Variants in PDS5A observed in about 807,000 individuals in gnomAD.
PDS5A encodes PDS5 cohesin associated factor A, also known as sister chromatid cohesion protein PDS5 homolog A.
Under a neutral mutation model 167.1 loss-of-function variants are expected in PDS5A, and 42 were observed. The observed-to-expected ratio is 0.25, with a 90% CI of 0.20 to 0.33. The LOEUF is 0.33. PDS5A is among the 10% of genes least tolerant of loss of function. PDS5A has a pLI of 1.00. For missense variants in PDS5A, 1,033 were observed against 1,605.9 expected (o/e 0.64, Z 6.10); for synonymous variants, 553 against 554.6 (o/e 1.00, Z 0.04).
intron 2 of PDS5A, among the ~76,000 whole-genome samples, chr4:39,975,580 C>T (rs1396142278): frequency 6.6e-6 from 1 of 152,164 alleles, no homozygotes; most frequent in African/African-American, 2.4e-5. Context: ...AAGATTTCAA[C>T]GTCTTTCACC....
chr4:39,840,995 A>G lies in PDS5A; in HGVS notation c.3657+953T>C, dbSNP rs143923090. ...GGTCTCCAACTCCTGACCACAAGTGATCCACCCATCTTTGCCTCCCAAAGT... is the reference window on the plus strand; with the variant it reads ...GGTCTCCAACTCCTGACCACAAGTGGTCCACCCATCTTTGCCTCCCAAAGT... On this transcript the variant is annotated intron_variant, in intron 31 of 32. Coordinates refer to ENST00000303538, the MANE Select transcript of PDS5A (RefSeq NM_001100399.2). Among the ~76,000 whole-genome samples, 662 of 151,264 alleles carry G rather than the reference A, an allele frequency of 4.4e-3. 6 individuals carry two copies. Among genetic ancestry groups the G allele is most frequent in the African/African-American group, 0.015 (624 of 41,248 alleles).
chr4:39,899,851 T>TTA (rs1221014325), intron 14 of PDS5A, among the ~76,000 whole-genome samples: 1 of 102,412 alleles, frequency 9.8e-6, no homozygotes, highest in African/African-American at 4.6e-5. Context: ...TCCTGTGTAT[T>TTA]AAAAAAAAAA....
chr4:39,853,710 AC>A, intron 26 of PDS5A, among the ~76,000 whole-genome samples: 1 of 152,164 alleles, frequency 6.6e-6, no homozygotes, highest in Non-Finnish European at 1.5e-5. Context: ...CTACAACCAC[AC>A]TTTTTCCCCT....
intron 2 of PDS5A, among the ~76,000 whole-genome samples, chr4:39,947,454 GA>G (rs397962049): frequency 2.0e-5 from 3 of 151,376 alleles, no homozygotes; most frequent in South Asian, 2.1e-4. Flanking sequence ...TGAAAGGGGG[GA>G]AAAAAAAGAG....
At chr4:39,827,156 C>T (rs73242411) in intron 32 of PDS5A, among the ~76,000 whole-genome samples, 14,786 of 152,032 alleles carry the variant, frequency 0.097, 876 homozygotes, top group East Asian at 0.22. Context: ...TGCGCCCCCA[C>T]GCGCAGCTAA....
intron 2 of PDS5A, among the ~76,000 whole-genome samples, chr4:39,954,851 G>A (rs915808917): frequency 7.3e-5 from 11 of 151,478 alleles, no homozygotes; most frequent in Non-Finnish European, 1.0e-4. Context: ...TTGAGACCTG[G>A]GCAACATGAC....
intron 6 of PDS5A, 138 bp downstream of exon 6, chr4:39,922,484 C>T (rs1177964629): frequency 8.1e-6 from 5 of 618,380 alleles, no homozygotes; most frequent in South Asian, 6.7e-5. Flanking sequence ...AAGACTAATG[C>T]ATGTTATTTT....
chr4:39,976,658 C>G (rs1731118180), intron 1 of PDS5A, 41 bp from the exon 2 acceptor site: 3 of 1,003,642 alleles, frequency 3.0e-6, no homozygotes, highest in Non-Finnish European at 4.5e-6. Flanking sequence ...AAAGGGGCGA[C>G]TTTGTAACCT....
chr4:39,839,504 G>A (rs932081095), intron 31 of PDS5A, among the ~76,000 whole-genome samples: 2 of 152,118 alleles, frequency 1.3e-5, no homozygotes, highest in South Asian at 2.1e-4. Context: ...AGGAGGCGGA[G>A]GTTGCAGTAA....
intron 2 of PDS5A, among the ~76,000 whole-genome samples, chr4:39,944,646 A>T (rs1334752091): frequency 6.7e-6 from 1 of 149,544 alleles, no homozygotes; most frequent in East Asian, 2.0e-4. Context: ...GTGAGCCAAG[A>T]TCACACCACT....
intron 2 of PDS5A, among the ~76,000 whole-genome samples, chr4:39,941,190 A>C (rs1268869531): frequency 1.3e-5 from 2 of 150,882 alleles, no homozygotes; most frequent in African/African-American, 2.4e-5. Flanking sequence ...AGTTCTGTGA[A>C]GGCAATAGAT....
In PDS5A at chr4:39,831,489, T is replaced by C. The variant is rs183804310; in HGVS notation, c.4011-6001A>G. Reference sequence around the variant, plus strand: ...ATAAGCACTATATTACCATTAGCTGTTTTTTAATGCAGCAAAATTTAAAAT... The same window carrying C: ...ATAAGCACTATATTACCATTAGCTGCTTTTTAATGCAGCAAAATTTAAAAT... On this transcript the variant is annotated intron_variant, in intron 32 of 32. Coordinates refer to ENST00000303538, the MANE Select transcript of PDS5A (RefSeq NM_001100399.2). Among the ~76,000 whole-genome samples, 13 of 152,320 alleles carry C rather than the reference T, an allele frequency of 8.5e-5. No individual in the cohort carries two copies. In the East Asian group the frequency reaches 2.5e-3, roughly 29 times the overall value.
At chr4:39,872,130 C>A (rs1395484807) in intron 21 of PDS5A, among the ~76,000 whole-genome samples, 1 of 150,318 alleles carries the variant, frequency 6.7e-6, no homozygotes, top group Non-Finnish European at 1.5e-5. Flanking sequence ...GCCAAAAGTA[C>A]AGTGTATTAT....
chr4:39,844,791 G>C lies in PDS5A; in HGVS notation c.3413C>G (p.Ala1138Gly). The C allele has an allele frequency of 6.3e-7, 1 of 1,596,082 alleles. No homozygotes were observed. Among genetic ancestry groups the C allele is most frequent in the Non-Finnish European group, 8.5e-7 (1 of 1,175,490 alleles). ...CTTATTTACTGCACCTAGTACTCCAGCAGGCTTTGGCTAAAAACAAAAACA... is the reference window on the plus strand; with the variant it reads ...CTTATTTACTGCACCTAGTACTCCACCAGGCTTTGGCTAAAAACAAAAACA... Reference protein sequence around the residue: ...VLLLTGKPKPAGVLGAVNKPL... With the variant: ...VLLLTGKPKPGGVLGAVNKPL... Residue 1138 changes from alanine to glycine, a missense_variant, in exon 30 of 33, where the codon GCT becomes GGT. Physicochemically the swap from Ala to Gly is moderately conservative, Grantham distance 60. This residue lies in a region of PDS5A where 233 missense variants were observed against 264.0 expected (regional missense o/e 0.88). Coordinates refer to ENST00000303538, the MANE Select transcript of PDS5A (RefSeq NM_001100399.2).
chr4:39,887,994 G>A (rs575672505), intron 17 of PDS5A, among the ~76,000 whole-genome samples: 1 of 152,296 alleles, frequency 6.6e-6, no homozygotes, highest in Non-Finnish European at 1.5e-5. Context: ...GCTCACGCCT[G>A]TAATCCCAGC....
Position 39,968,905 on chromosome 4 carries a change from A to T in PDS5A, c.138+7535T>A, listed in dbSNP as rs575275813. 4.6e-5 allele frequency among the ~76,000 whole-genome samples: 7 copies of T among 151,406 alleles called. No individual in the cohort carries two copies. The South Asian group carries it at 1.5e-3, about 32-fold the overall frequency. ...ATTCTACTGCCCCAGCCTCCTGAGT[A>T]GCTGGGATTACAGGCATGTGCCACC... On this transcript the variant is annotated intron_variant, in intron 2 of 32. Transcript: ENST00000303538.
rs770247810 is a variant in PDS5A, at chr4:39,844,670, G to A, written c.3534C>T (p.Thr1178=). The A allele has an allele frequency of 5.6e-6, 9 of 1,607,100 alleles. No homozygotes were observed. Among genetic ancestry groups the A allele is most frequent in the Admixed American group, 1.7e-5 (1 of 57,896 alleles). ...AGAAAAGTTGCCTTGATCGATTTCC[G>A]GTTGAAGGGTTCAGCTCTGAATTTA... ...INVNSELNPS[T]GNRSREQSSE... The change falls in exon 30 of 33, where the codon ACC becomes ACT. Residue 1178 remains threonine, a synonymous_variant. Coordinates refer to ENST00000303538, the MANE Select transcript of PDS5A (RefSeq NM_001100399.2).
chr4:39,934,729 ATAATGAT>A (rs1361450443), intron 2 of PDS5A, among the ~76,000 whole-genome samples: 1 of 151,648 alleles, frequency 6.6e-6, no homozygotes, highest in Non-Finnish European at 1.5e-5. Context: ...AATACTATTA[ATAATGAT>A]TAACATTTAC....
chr4:39,901,110 C>A (rs538113255), intron 13 of PDS5A, among the ~76,000 whole-genome samples: 4 of 152,058 alleles, frequency 2.6e-5, no homozygotes, highest in Non-Finnish European at 5.9e-5. Context: ...GCCCAGATGA[C>A]CTCTGAGAAT....
Sources: gnomAD v4.1 joint callset for allele counts (sites outside exome capture counted in the v4.1 genomes callset) on GRCh38, gnomAD v4.1.1 for gene constraint, gnomAD v4.1.1 regional missense constraint, MANE v1.5 for transcripts, NCBI Gene and HGNC (gene_info 2026-07-23, HGNC 2026-07-21) for gene names.